Variants in GIT2 observed in about 807,000 individuals in gnomAD.
The protein encoded by GIT2 is ARF GTPase-activating protein GIT2.
GIT2 carries 32 observed loss-of-function variants against 100.3 expected under a neutral mutation model. That is an observed-to-expected ratio of 0.32 (90% CI 0.24 to 0.43). The LOEUF is 0.43. GIT2 is among the 20% of genes least tolerant of loss of function. GIT2 has a pLI of 1.00. For synonymous variants in GIT2, 353 were observed against 364.1 expected, an observed-to-expected ratio of 0.97 and a Z score of 0.35; for missense variants, 737 against 975.1, an observed-to-expected ratio of 0.76 and a Z score of 3.25.
rs1250545623 is a variant in GIT2, at chr12:109,960,358, T to G, written c.988-400A>C. ...TTAAGTTTAGGCCGGGTGCAGTGGC[T>G]CACGCCTGTAATCCCAGAACCTTGG... On this transcript the variant is annotated intron_variant, in intron 11 of 19. Coordinates refer to ENST00000355312, the MANE Select transcript of GIT2 (RefSeq NM_057169.5). Among the ~76,000 whole-genome samples, 3 of 152,222 alleles carry G rather than the reference T, an allele frequency of 2.0e-5. No homozygotes were observed. The East Asian group carries it at 5.8e-4, about 29-fold the overall frequency.
chr12:109,983,505 T>C lies in GIT2; in HGVS notation c.493-2A>G, dbSNP rs760926916. On this transcript the variant is annotated splice_acceptor_variant, in intron 5 of 19. Coordinates refer to ENST00000355312, the MANE Select transcript of GIT2 (RefSeq NM_057169.5). LOFTEE classifies it high-confidence loss of function. ...ATGGAGTGGGGTGTTTCCTTTTTCC[T>C]AAGAATCATTAATAAAAAGTAGGCA... is the stretch of plus-strand genomic sequence containing the variant. 6.2e-7 allele frequency: 1 copy of C among 1,613,228 alleles called. No individual in the cohort carries two copies. The highest frequency in any genetic ancestry group is 1.7e-5 in the Admixed American group (1 of 59,940).
intron 16 of GIT2, among the ~76,000 whole-genome samples, chr12:109,941,025 C>G (rs1394034320): frequency 6.6e-6 from 1 of 152,170 alleles, no homozygotes; most frequent in Non-Finnish European, 1.5e-5. Flanking sequence ...AGAAGCCCCC[C>G]TTATTCACAC....
At chr12:109,995,253 A>T (rs1889127446) in intron 1 of GIT2, among the ~76,000 whole-genome samples, 1 of 152,208 alleles carries the variant, frequency 6.6e-6, no homozygotes, top group Non-Finnish European at 1.5e-5. Context: ...AATATTATGT[A>T]TGAACAGTTA....
chr12:109,983,623 G>A lies in GIT2; in HGVS notation c.477C>T (p.Ala159=). The A allele has an allele frequency of 6.2e-7, 1 of 1,610,444 alleles. No homozygotes were observed. The highest frequency in any genetic ancestry group is 2.2e-5 in the East Asian group (1 of 44,860). ...CLRLLSLGAQ[A]NFFHPEKGNT... is the part of the protein sequence containing the mutation. ...GTTTTCTTACAGGATGAAAGAAGTT[G>A]GCTTGTGCTCCTAAAGATAACAGTC... is the stretch of plus-strand genomic sequence containing the variant. The change falls in exon 5 of 20, where the codon GCC becomes GCT. Residue 159 remains alanine (A), a synonymous_variant. Coordinates refer to ENST00000355312, the MANE Select transcript of GIT2 (RefSeq NM_057169.5).
At chr12:109,994,295 A>G (rs1390515774) in intron 1 of GIT2, among the ~76,000 whole-genome samples, 1 of 152,220 alleles carries the variant, frequency 6.6e-6, no homozygotes, top group Non-Finnish European at 1.5e-5. Context: ...GAGATTGGGT[A>G]AAACCCTTTA....
chr12:109,950,564 A>G (rs1339374867), intron 14 of GIT2: 2 of 152,488 alleles, frequency 1.3e-5, no homozygotes, highest in Non-Finnish European at 2.9e-5. Context: ...TGATTCTCTC[A>G]AAAGGTAATG....
At chr12:109,987,441 C>A (rs956355624) in intron 4 of GIT2, among the ~76,000 whole-genome samples, 1 of 151,860 alleles carries the variant, frequency 6.6e-6, no homozygotes, top group Admixed American at 6.6e-5. Context: ...AAAGCAAAAA[C>A]CACATGATCA....
At chr12:109,974,014 C>A (rs535657403) in intron 7 of GIT2, among the ~76,000 whole-genome samples, 3 of 152,074 alleles carry the variant, frequency 2.0e-5, no homozygotes, top group Middle Eastern at 3.4e-3. Flanking sequence ...TGCACTCCAG[C>A]CTGGGTGACA....
intron 1 of GIT2, among the ~76,000 whole-genome samples, chr12:109,994,833 A>C (rs1889048938): frequency 6.6e-6 from 1 of 152,204 alleles, no homozygotes; most frequent in Non-Finnish European, 1.5e-5. Context: ...TGGAACAAAT[A>C]ACATTTTTAG....
intron 7 of GIT2, among the ~76,000 whole-genome samples, chr12:109,970,853 G>C (rs191291458): frequency 6.6e-6 from 1 of 152,144 alleles, no homozygotes; most frequent in African/African-American, 2.4e-5. Flanking sequence ...GCAGTGGCAC[G>C]ATCATGGCTC....
chr12:109,965,979 C>T (rs1026268786), intron 8 of GIT2, among the ~76,000 whole-genome samples: 4 of 147,722 alleles, frequency 2.7e-5, no homozygotes, highest in African/African-American at 9.9e-5. Flanking sequence ...GTGGGAGGAT[C>T]ACAAGGTCAG....
chr12:109,981,147 A>C (rs1463325942), intron 6 of GIT2, 101 bp from the exon 7 acceptor site: 4 of 778,144 alleles, frequency 5.1e-6, no homozygotes, highest in Non-Finnish European at 9.2e-6. Flanking sequence ...AGTTTATCAC[A>C]CAAGACTTTT....
In GIT2 at chr12:109,967,434, T is replaced by C. The variant is rs372897508; in HGVS notation, c.764+24A>G. 1.8e-5 allele frequency: 28 copies of C among 1,547,798 alleles called. No homozygotes were observed. The East Asian group carries it at 2.7e-4, about 15-fold the overall frequency. On this transcript the variant is annotated intron_variant, in intron 8 of 19. Transcript: ENST00000355312. Reference sequence around the variant, plus strand: ...AGGAAATATTAGCGATAGACAAAACTAACTGGTATTTCAATGAGCTTACCT... The same window carrying C: ...AGGAAATATTAGCGATAGACAAAACCAACTGGTATTTCAATGAGCTTACCT...
At chr12:109,960,072 T>C (rs1052548793) in intron 11 of GIT2, 114 bp from the exon 12 acceptor site, 4 of 714,104 alleles carry the variant, frequency 5.6e-6, no homozygotes, top group Middle Eastern at 3.0e-4. Flanking sequence ...TCTTCTGGCA[T>C]GATCAAAGTA....
Position 109,933,211 on chromosome 12 carries a change from GT to G in GIT2, c.2068-22del. Reference sequence around the variant, plus strand: ...GGTTTCTAAAAGGAAAAAGACAGCCGTTTACCCTGAACTGCAGGGCAGACAT... The same window carrying G: ...GGTTTCTAAAAGGAAAAAGACAGCCGTTACCCTGAACTGCAGGGCAGACAT... On this transcript the variant is annotated intron_variant, in intron 19 of 19. Coordinates refer to ENST00000355312, the MANE Select transcript of GIT2 (RefSeq NM_057169.5). This position sits in a 1 kb window ranked among gnomAD's most constrained non-coding sequence, Gnocchi z 4.5. The G allele has an allele frequency of 1.4e-6, 2 of 1,389,794 alleles. No individual in the cohort carries two copies. Among genetic ancestry groups the G allele is most frequent in the Non-Finnish European group, 2.0e-6 (2 of 999,374 alleles). 86.1% of individuals were successfully genotyped at this position (1,389,794 alleles called of 1,614,324 possible).
chr12:109,958,443 A>G (rs1880160588), intron 12 of GIT2, among the ~76,000 whole-genome samples: 1 of 151,644 alleles, frequency 6.6e-6, no homozygotes, highest in Non-Finnish European at 1.5e-5. Flanking sequence ...GGGTTTCACC[A>G]TGTTGGCCAG....
intron 16 of GIT2, among the ~76,000 whole-genome samples, chr12:109,940,811 G>A (rs138147584): frequency 7.0e-4 from 107 of 151,904 alleles, no homozygotes; most frequent in African/African-American, 2.1e-3. Context: ...CCTAGGAGGC[G>A]GAGGTTGCAG....
intron 7 of GIT2, among the ~76,000 whole-genome samples, chr12:109,971,551 C>T (rs1429286298): frequency 6.6e-6 from 1 of 151,160 alleles, no homozygotes; most frequent in African/African-American, 2.4e-5. Flanking sequence ...GTATCGAACT[C>T]GACCTCAGGT....
Position 109,953,302 on chromosome 12 carries a change from G to A in GIT2, c.1100-68C>T, listed in dbSNP as rs1338864871. The A allele has an allele frequency of 2.6e-6, 4 of 1,543,126 alleles. No individual in the cohort carries two copies. In the East Asian group the frequency reaches 6.8e-5, roughly 26 times the overall value. On this transcript the variant is annotated intron_variant, in intron 12 of 19. Transcript: ENST00000355312. ...TGCTTTTCTTCCAAAAAACTACGGA[G>A]AGGATTTTTTGGTTTAGCCATTTAA...
Sources: allele counts gnomAD v4.1 joint callset (sites outside exome capture counted in the v4.1 genomes callset), GRCh38; gene constraint gnomAD v4.1.1; non-coding constraint Gnocchi (gnomAD v3.1); transcripts MANE v1.5; gene names NCBI Gene and HGNC (gene_info 2026-07-23, HGNC 2026-07-21).